The following MANBA variants were observed in gnomAD, a reference collection of about 807,000 sequenced individuals.
The protein encoded by MANBA is mannosidase beta, also known as beta-mannosidase.
In MANBA, 83 loss-of-function variants were observed where a neutral mutation model predicts 111.1. The ratio of observed to expected loss-of-function variants is 0.75; its 90% CI spans 0.63 to 0.90. The LOEUF is 0.90. MANBA is among the 40% of genes least tolerant of loss of function. The pLI, the probability that MANBA is intolerant of heterozygous loss-of-function variation, is 0.00. For synonymous variants in MANBA, 370 were observed against 378.7 expected (o/e 0.98, Z 0.27); for missense variants, 1,036 against 1,069.0 (o/e 0.97, Z 0.43).
intron 5 of MANBA, among the ~76,000 whole-genome samples, chr4:102,698,847 T>C (rs1271233967): frequency 3.9e-5 from 6 of 151,942 alleles, no homozygotes; most frequent in Non-Finnish European, 5.9e-5. Context: ...TGGGCTCTTT[T>C]TTGGTTCCAT....
chr4:102,701,461 T>C (rs1733037811), intron 5 of MANBA, among the ~76,000 whole-genome samples: 1 of 152,236 alleles, frequency 6.6e-6, no homozygotes, highest in Non-Finnish European at 1.5e-5. Context: ...GTCTCCATGG[T>C]CTTTACATTT....
intron 5 of MANBA, among the ~76,000 whole-genome samples, chr4:102,713,912 A>AAAT (rs1298254719): frequency 2.0e-5 from 3 of 151,480 alleles, no homozygotes; most frequent in Non-Finnish European, 4.4e-5. Flanking sequence ...AAAAAAAAAA[A>AAAT]AAAGAAAAGA....
intron 7 of MANBA, among the ~76,000 whole-genome samples, chr4:102,676,277 T>C (rs1271997646): frequency 6.6e-6 from 1 of 152,116 alleles, no homozygotes. Context: ...ATTCACAGTA[T>C]GAAGAAAAGA....
Position 102,752,634 on chromosome 4 carries a change from G to T in MANBA, c.177+8084C>A, listed in dbSNP as rs970368196. 5.2e-6 allele frequency: 3 copies of T among 581,950 alleles called. No individual in the cohort carries two copies. The African/African-American group carries it at 5.6e-5, about 11-fold the overall frequency. The allele number at this position is 581,950 out of a possible 1,614,324, so 36.0% of individuals were successfully genotyped here. A position where few individuals can be genotyped will look rare whatever the true frequency, so the allele number is the denominator to read the frequency against. ...TATTCACCTACCACTTTCCATGTGG[G>T]GGCATGAAAGTGAATGATAAATTGA... On this transcript the variant is annotated intron_variant, in intron 1 of 16. Coordinates refer to ENST00000647097, the MANE Select transcript of MANBA (RefSeq NM_005908.4).
chr4:102,714,994 A>G (rs1722262209), intron 4 of MANBA, among the ~76,000 whole-genome samples: 1 of 152,206 alleles, frequency 6.6e-6, no homozygotes, highest in African/African-American at 2.4e-5. Context: ...TAGGACTTCA[A>G]CATATGAATT....
At chr4:102,748,958 T>G (rs1202592372) in intron 1 of MANBA, among the ~76,000 whole-genome samples, 1 of 152,120 alleles carries the variant, frequency 6.6e-6, no homozygotes, top group Non-Finnish European at 1.5e-5. Flanking sequence ...CTTTACCTGT[T>G]TCTAAATGTC....
intron 1 of MANBA, chr4:102,730,427 A>G: frequency 2.1e-6 from 1 of 476,870 alleles, no homozygotes; most frequent in South Asian, 1.9e-5. Context: ...GGGTTCAGGA[A>G]TGCAGCTGCA....
At chr4:102,733,249 T>C (rs560820936) in intron 1 of MANBA, among the ~76,000 whole-genome samples, 7 of 152,192 alleles carry the variant, frequency 4.6e-5, no homozygotes, top group African/African-American at 1.7e-4. Flanking sequence ...TACCACTTAA[T>C]CAAACTGAAA....
chr4:102,676,702 T>C (rs563505206), intron 7 of MANBA, among the ~76,000 whole-genome samples: 2 of 152,302 alleles, frequency 1.3e-5, no homozygotes, highest in East Asian at 3.9e-4. Flanking sequence ...ACTTCTTTTC[T>C]GTGAATTTTT....
intron 1 of MANBA, among the ~76,000 whole-genome samples, chr4:102,755,450 T>A (rs985297055): frequency 1.3e-5 from 2 of 152,178 alleles, no homozygotes; most frequent in African/African-American, 4.8e-5. Flanking sequence ...TCCTTCCTTA[T>A]ACCTTATACA....
At chr4:102,699,829 T>C (rs2110255805) in intron 5 of MANBA, among the ~76,000 whole-genome samples, 1 of 150,972 alleles carries the variant, frequency 6.6e-6, no homozygotes, top group South Asian at 2.1e-4. Context: ...CTTTTTTGGT[T>C]GTGTCTCTGC....
chr4:102,721,727 C>T (rs1250029638), intron 4 of MANBA, among the ~76,000 whole-genome samples: 1 of 151,922 alleles, frequency 6.6e-6, no homozygotes, highest in African/African-American at 2.4e-5. Flanking sequence ...GAATCAAACA[C>T]ATAGAAAAGA....
intron 5 of MANBA, among the ~76,000 whole-genome samples, chr4:102,701,411 G>A (rs201903300): frequency 0.39 from 57,781 of 149,534 alleles, 12,133 homozygotes; most frequent in South Asian, 0.49. Flanking sequence ...TATGATGTTA[G>A]CTGGTTATTT....
At chr4:102,690,959 TGAA>T (rs1027203670) in intron 5 of MANBA, 188 bp from the exon 6 acceptor site, 2 of 194,248 alleles carry the variant, frequency 1.0e-5, no homozygotes, top group Non-Finnish European at 2.0e-5. Context: ...TCCTTCATTC[TGAA>T]GAAGAATAAC....
chr4:102,723,831 T>G (rs750356873), intron 3 of MANBA, 31 bp downstream of exon 3: 1 of 1,285,616 alleles, frequency 7.8e-7, no homozygotes, highest in Non-Finnish European at 1.1e-6. Flanking sequence ...ACACATAAAT[T>G]TTTTTTAACC....
intron 5 of MANBA, among the ~76,000 whole-genome samples, chr4:102,710,472 A>T (rs1560789571): frequency 6.6e-6 from 1 of 152,184 alleles, no homozygotes; most frequent in African/African-American, 2.4e-5. Context: ...GACCTCTACA[A>T]GGAAAACTAT....
intron 1 of MANBA, chr4:102,730,229 G>T: frequency 1.7e-6 from 1 of 584,010 alleles, no homozygotes; most frequent in South Asian, 2.4e-5. Flanking sequence ...CAGAAGGAGT[G>T]GAGAAGCTGC....
At chr4:102,749,191 G>A (rs1191128243) in intron 1 of MANBA, among the ~76,000 whole-genome samples, 1 of 152,186 alleles carries the variant, frequency 6.6e-6, no homozygotes, top group Non-Finnish European at 1.5e-5. Context: ...GGTAAAATAA[G>A]AGAAAGTAAG....
chr4:102,722,723 T>A (rs1000549514), intron 4 of MANBA, 148 bp downstream of exon 4: 9 of 772,786 alleles, frequency 1.2e-5, no homozygotes, highest in Non-Finnish European at 2.0e-5. Context: ...ATCTTTTGGT[T>A]CTTATTTCAA....
Sources: allele counts gnomAD v4.1 joint callset (sites outside exome capture counted in the v4.1 genomes callset), GRCh38; gene constraint gnomAD v4.1.1; transcripts MANE v1.5; gene names NCBI Gene and HGNC (gene_info 2026-07-23, HGNC 2026-07-21).